POLR3A: variants seen among roughly 807,000 people sequenced by gnomAD.
POLR3A encodes the protein RNA polymerase III subunit A.
In POLR3A, 112 loss-of-function variants were observed where a neutral mutation model predicts 152.8. The observed-to-expected ratio is 0.73, with a 90% CI of 0.63 to 0.86. The LOEUF (loss-of-function observed/expected upper bound fraction) is 0.86, where lower values mean the gene tolerates loss of function less well. Ranked by LOEUF, POLR3A falls within the 40% of genes least tolerant of loss-of-function variation. The pLI, the probability that POLR3A is intolerant of heterozygous loss-of-function variation, is 0.00. For missense variants in POLR3A, 1,385 were observed against 1,743.1 expected (o/e 0.79, Z 3.66); for synonymous variants, 615 against 652.1 (o/e 0.94, Z 0.87).
In POLR3A at chr10:78,022,295, TC is replaced by T; in HGVS notation, c.734del (p.Gly245GlufsTer6). 1 of 1,614,250 alleles carries T rather than the reference TC, an allele frequency of 6.2e-7. No homozygotes were observed. Among genetic ancestry groups the T allele is most frequent in the Non-Finnish European group, 8.5e-7 (1 of 1,180,036 alleles). On this transcript the variant is annotated frameshift_variant, in exon 6 of 31. Transcript: ENST00000372371. LOFTEE classifies it high-confidence loss of function. Reference protein sequence around the residue: ...VPLLLMNPEAGKPSDLILTRL... With the variant: ...VPLLLMNPEAXKPSDLILTRL... ...GTGTGAGAATCAAATCAGACGGCTT[TC>T]CGGCTTCTGGGTTCATCAGAAGTAG...
chr10:77,981,313 C>T, intron 29 of POLR3A, 115 bp downstream of exon 29: 1 of 1,024,606 alleles, frequency 9.8e-7, no homozygotes, highest in South Asian at 1.3e-5. Flanking sequence ...TATTTTCTCT[C>T]TATGATGGTC....
At chr10:78,011,591 C>T (rs970268983) in intron 11 of POLR3A, among the ~76,000 whole-genome samples, 1 of 152,170 alleles carries the variant, frequency 6.6e-6, no homozygotes, top group African/African-American at 2.4e-5. Context: ...GCTATTTAGC[C>T]AGATGTGCCT....
chr10:78,000,930 T>C (rs1287310968), intron 18 of POLR3A, 46 bp downstream of exon 18: 2 of 969,890 alleles, frequency 2.1e-6, no homozygotes, highest in East Asian at 2.4e-5. Context: ...GAGGAAAGTG[T>C]AGATTAAGAG....
intron 20 of POLR3A, among the ~76,000 whole-genome samples, chr10:77,991,507 C>T (rs1000320088): frequency 6.6e-6 from 1 of 152,084 alleles, no homozygotes; most frequent in African/African-American, 2.4e-5. Flanking sequence ...AAATATTCTC[C>T]CACTTCTGAA....
chr10:78,003,368 C>T (rs2131944650), intron 16 of POLR3A, among the ~76,000 whole-genome samples: 1 of 152,334 alleles, frequency 6.6e-6, no homozygotes, highest in Non-Finnish European at 1.5e-5. Flanking sequence ...AGCCTTTCTT[C>T]CACACTCAGG....
At chr10:77,985,104 G>T in intron 24 of POLR3A, 66 bp downstream of exon 24, 2 of 1,293,642 alleles carry the variant, frequency 1.5e-6, no homozygotes, top group Non-Finnish European at 2.3e-6. Flanking sequence ...ATGTGACACG[G>T]GGATCATTGT....
chr10:77,991,214 G>T, intron 20 of POLR3A, 47 bp from the exon 21 acceptor site: 1 of 1,049,470 alleles, frequency 9.5e-7, no homozygotes, highest in Non-Finnish European at 1.5e-6. Flanking sequence ...GCCACAGAGA[G>T]CAGGCGGTAG....
chr10:78,027,848 C>T (rs1201522209), intron 1 of POLR3A, among the ~76,000 whole-genome samples: 3 of 152,188 alleles, frequency 2.0e-5, no homozygotes, highest in Admixed American at 6.5e-5. Context: ...TGAGCCACCA[C>T]TCCTGGCCTC....
At chr10:78,005,005 T>TA in intron 15 of POLR3A, 117 bp from the exon 16 acceptor site, 1 of 800,738 alleles carries the variant, frequency 1.2e-6, no homozygotes, top group South Asian at 1.4e-5. Flanking sequence ...GTATGTATAG[T>TA]TTAAAGTATA....
chr10:77,986,100 A>G lies in POLR3A; in HGVS notation c.2961T>C (p.Tyr987=). ...CTGTTGTGCCGTTATCATTGATGCC[A>G]TATTTATCTCTGGTTTTCTTGATCT... is the stretch of plus-strand genomic sequence containing the variant. ...SEKIKKTRDK[Y]GINDNGTTEP... Residue 987 remains tyrosine (Y), a synonymous_variant, in exon 22 of 31, where the codon TAT becomes TAC. Transcript: ENST00000372371. The G allele has an allele frequency of 6.2e-7, 1 of 1,602,370 alleles. No homozygotes were observed. The highest frequency in any genetic ancestry group is 8.6e-7 in the Non-Finnish European group (1 of 1,169,358).
intron 10 of POLR3A, among the ~76,000 whole-genome samples, chr10:78,015,472 C>A (rs1847513936): frequency 1.3e-5 from 2 of 151,808 alleles, no homozygotes; most frequent in Admixed American, 6.6e-5. Flanking sequence ...GGATTACAGG[C>A]ACGTGCCACC....
rs777345393 is a variant in POLR3A, at chr10:78,009,863, C to A, written c.1770+1G>T. The A allele has an allele frequency of 2.5e-6, 4 of 1,614,094 alleles. No individual in the cohort carries two copies. Among genetic ancestry groups the A allele is most frequent in the Non-Finnish European group, 2.5e-6 (3 of 1,179,984 alleles). On this transcript the variant is annotated splice_donor_variant, in intron 13 of 30. Coordinates refer to ENST00000372371, the MANE Select transcript of POLR3A (RefSeq NM_007055.4). LOFTEE classifies it high-confidence loss of function. ...CACCAACACACAACTCCCACACACA[C>A]CTTTAGGATTGTAGGCGGTGGGAGG...
chr10:77,994,125 T>C (rs1421305174), intron 19 of POLR3A, among the ~76,000 whole-genome samples: 1 of 152,176 alleles, frequency 6.6e-6, no homozygotes, highest in East Asian at 1.9e-4. Flanking sequence ...TCACAGTCTA[T>C]TGGGTTTCTG....
At chr10:78,011,175 C>T (rs2131950586) in intron 11 of POLR3A, among the ~76,000 whole-genome samples, 1 of 152,244 alleles carries the variant, frequency 6.6e-6, no homozygotes, top group South Asian at 2.1e-4. Context: ...GGTGCTTCTC[C>T]AAAGAAAATT....
chr10:77,977,187 C>A lies in POLR3A; in HGVS notation c.*291G>T. ...ATGACACCTGGCTGGGCTTTAAGTCCAGGGAAGCAGTGTGTGCACGAGCTG... is the reference window on the plus strand; with the variant it reads ...ATGACACCTGGCTGGGCTTTAAGTCAAGGGAAGCAGTGTGTGCACGAGCTG... On this transcript the variant is annotated 3_prime_UTR_variant, in exon 31 of 31. Coordinates refer to ENST00000372371, the MANE Select transcript of POLR3A (RefSeq NM_007055.4). 1 of 406,758 alleles carries A rather than the reference C, an allele frequency of 2.5e-6. No individual in the cohort carries two copies. The highest frequency in any genetic ancestry group is 4.6e-6 in the Non-Finnish European group (1 of 215,786). The allele number at this position is 406,758 out of a possible 1,614,324, so 25.2% of individuals were successfully genotyped here.
chr10:78,018,634 G>A lies in POLR3A; in HGVS notation c.1289+528C>T, dbSNP rs995845689. On this transcript the variant is annotated intron_variant, in intron 9 of 30. Transcript: ENST00000372371. The stretch of plus-strand genomic sequence containing the variant: ...GTCTTGCTCTGTCGCCCAGGCTGGA[G>A]TGCAGTGGTGTGATCTCAGCTCACT... Among the ~76,000 whole-genome samples the A allele has an allele frequency of 3.9e-5, 6 of 152,220 alleles. No individual in the cohort carries two copies. In the East Asian group the frequency reaches 1.2e-3, roughly 29 times the overall value.
intron 3 of POLR3A, 107 bp downstream of exon 3, chr10:78,025,515 G>A: frequency 1.9e-6 from 2 of 1,034,596 alleles, no homozygotes; most frequent in South Asian, 1.3e-5. Context: ...GTATAAAAGA[G>A]TCCCCTAGAT....
In POLR3A at chr10:77,982,733, C is replaced by T. The variant is rs1847159519; in HGVS notation, c.3514G>A (p.Val1172Met). The T allele has an allele frequency of 6.2e-7, 1 of 1,613,692 alleles. No individual in the cohort carries two copies. The highest frequency in any genetic ancestry group is 2.2e-5 in the East Asian group (1 of 44,860). Residue 1172 changes from valine to methionine, a missense_variant, in exon 27 of 31, where the codon GTG becomes ATG. Physicochemically the swap from Val to Met is conservative, Grantham distance 21. Around this residue, in one of 7 missense-constraint regions of POLR3A, gnomAD observed 332 missense variants for 400.1 expected, o/e 0.83. Transcript: ENST00000372371. The stretch of plus-strand genomic sequence containing the variant: ...TTCTCTCTGGGGGTGACACACACCA[C>T]AGCCTCACCATGAACAGCCACATCA... ...PGDVAVHGEAVVCVTPRENSK... is the reference protein window; with the variant it reads ...PGDVAVHGEAMVCVTPRENSK...
Position 78,029,418 on chromosome 10 carries a change from G to A in POLR3A, c.-11C>T. ...CTGCTCCTTCACCATGATGACCGCTGCCGGGACGCCTCCTTGGCACTCGGG... is the reference window on the plus strand; with the variant it reads ...CTGCTCCTTCACCATGATGACCGCTACCGGGACGCCTCCTTGGCACTCGGG... On this transcript the variant is annotated 5_prime_UTR_variant, in exon 1 of 31. Coordinates refer to ENST00000372371, the MANE Select transcript of POLR3A (RefSeq NM_007055.4). 1 of 1,613,946 alleles carries A rather than the reference G, an allele frequency of 6.2e-7. No homozygotes were observed. Among genetic ancestry groups the A allele is most frequent in the Non-Finnish European group, 8.5e-7 (1 of 1,179,990 alleles).
Sources: gnomAD v4.1 joint callset for allele counts (sites outside exome capture counted in the v4.1 genomes callset) on GRCh38, gnomAD v4.1.1 for gene constraint, gnomAD v4.1.1 regional missense constraint, MANE v1.5 for transcripts, NCBI Gene and HGNC (gene_info 2026-07-23, HGNC 2026-07-21) for gene names.